Variants in DUSP10 observed in about 807,000 individuals in gnomAD.
DUSP10 encodes dual specificity protein phosphatase 10.
Under a neutral mutation model 30.8 loss-of-function variants are expected in DUSP10, and 14 were observed. That is an observed-to-expected ratio of 0.46 (90% CI 0.30 to 0.71). The LOEUF is 0.71. DUSP10 is among the 30% of genes least tolerant of loss of function. DUSP10 has a pLI of 0.08. For synonymous variants in DUSP10, 254 were observed against 250.4 expected, an observed-to-expected ratio of 1.01 and a Z score of -0.14; for missense variants, 550 against 619.4, an observed-to-expected ratio of 0.89 and a Z score of 1.19.
Position 221,702,664 on chromosome 1 carries a change from C to T in DUSP10, c.1197G>A (p.Gln399=), listed in dbSNP as rs755716561. 1.2e-6 allele frequency: 2 copies of T among 1,614,004 alleles called. No individual in the cohort carries two copies. The highest frequency in any genetic ancestry group is 1.7e-5 in the Admixed American group (1 of 60,030). ...AGTGGATGAGAAGCCCCTTCCCACA[C>T]TGGTGAGCTTCCTCTGAAAAAAGGG... The part of the protein sequence containing the change: ...EAFEFIEEAH[Q]CGKGLLIHCQ... Residue 399 remains glutamine (Q), a synonymous_variant, in exon 4 of 4, where the codon CAG becomes CAA. Coordinates refer to ENST00000366899, the MANE Select transcript of DUSP10 (RefSeq NM_007207.6). This position sits in a 1 kb window ranked among gnomAD's most constrained non-coding sequence, Gnocchi z 4.5.
In DUSP10 at chr1:221,701,645, T is replaced by G. The variant is rs1463408667; in HGVS notation, c.*767A>C. The G allele has an allele frequency of 6.6e-6, 1 of 152,216 alleles. No individual in the cohort carries two copies. Among genetic ancestry groups the G allele is most frequent in the Non-Finnish European group, 1.5e-5 (1 of 67,962 alleles). The allele number at this position is 152,216 out of a possible 1,614,324, so 9.4% of individuals were successfully genotyped here. A position where few individuals can be genotyped will look rare whatever the true frequency, so the allele number is the denominator to read the frequency against. The stretch of plus-strand genomic sequence containing the variant: ...GAAAGTATTTGATATATTGTTGAAT[T>G]CCTTTCTATCTCCAAGCTGGCAAAT... On this transcript the variant is annotated 3_prime_UTR_variant, in exon 4 of 4. Transcript: ENST00000366899.
intron 2 of DUSP10, among the ~76,000 whole-genome samples, chr1:221,708,246 A>T (rs1414887693): frequency 1.3e-5 from 2 of 152,234 alleles, no homozygotes; most frequent in Non-Finnish European, 2.9e-5. Context: ...GTTATGTTGC[A>T]ATAAGGACAG....
intron 2 of DUSP10, among the ~76,000 whole-genome samples, chr1:221,732,952 T>C (rs1456589727): frequency 1.3e-5 from 2 of 152,190 alleles, no homozygotes; most frequent in Non-Finnish European, 2.9e-5. Flanking sequence ...GATTCTTTAG[T>C]TCCAAAAAGG....
intron 2 of DUSP10, among the ~76,000 whole-genome samples, chr1:221,721,681 C>G (rs762875039): frequency 1.3e-5 from 2 of 152,100 alleles, no homozygotes; most frequent in Admixed American, 6.6e-5. Context: ...CCTCTCTCCT[C>G]GCCCCTACTT....
At chr1:221,724,062 C>T (rs1661351920) in intron 2 of DUSP10, among the ~76,000 whole-genome samples, 1 of 152,206 alleles carries the variant, frequency 6.6e-6, no homozygotes, top group South Asian at 2.1e-4. Flanking sequence ...ACTCCTAACA[C>T]TCGGGGAGTT....
At position 221,702,511 on chromosome 1, in the gene DUSP10, G is replaced by A. The variant is rs376859207; in HGVS notation, c.1350C>T (p.Asn450=). 19 of 1,614,030 alleles carry A rather than the reference G, an allele frequency of 1.2e-5. No homozygotes were observed. The African/African-American group carries it at 1.7e-4, about 15-fold the overall frequency. Residue 450 remains asparagine, a synonymous_variant, in exon 4 of 4, where the codon AAC becomes AAT. Transcript: ENST00000366899. The surrounding 1 kb of genome is among the most constrained non-coding windows in gnomAD (Gnocchi z 4.5). ...GKRPIISPNL[N]FMGQLLEFEE... ...CGAACTCTAGCAACTGCCCCATGAA[G>A]TTAAGGTTTGGGGAGATAATTGGTC...
At chr1:221,732,283 T>C (rs897747453) in intron 2 of DUSP10, among the ~76,000 whole-genome samples, 4 of 152,238 alleles carry the variant, frequency 2.6e-5, no homozygotes, top group Non-Finnish European at 4.4e-5. Flanking sequence ...TTGGGCTTCT[T>C]TGATACCTGT....
At chr1:221,719,920 A>G (rs2102632305) in intron 2 of DUSP10, among the ~76,000 whole-genome samples, 1 of 152,292 alleles carries the variant, frequency 6.6e-6, no homozygotes, top group Non-Finnish European at 1.5e-5. Context: ...TTGATAAACC[A>G]TATATATGAT....
At chr1:221,709,002 T>TA (rs58346899) in intron 2 of DUSP10, among the ~76,000 whole-genome samples, 81,868 of 139,814 alleles carry the variant, frequency 0.59, 23,732 homozygotes, top group South Asian at 0.67. Flanking sequence ...GCAGCTAGTT[T>TA]AAAAAAAAAA....
At chr1:221,708,868 T>A (rs1660847851) in intron 2 of DUSP10, among the ~76,000 whole-genome samples, 1 of 152,130 alleles carries the variant, frequency 6.6e-6, no homozygotes, top group Non-Finnish European at 1.5e-5. Flanking sequence ...AAGGCAGTTG[T>A]TACATTTTTC....
chr1:221,711,106 A>C (rs1660922033), intron 2 of DUSP10, among the ~76,000 whole-genome samples: 1 of 152,220 alleles, frequency 6.6e-6, no homozygotes, highest in African/African-American at 2.4e-5. Flanking sequence ...GTTTCTTCTA[A>C]CACACGGTCA....
intron 2 of DUSP10, among the ~76,000 whole-genome samples, chr1:221,738,119 G>T (rs1050315339): frequency 6.6e-6 from 1 of 152,178 alleles, no homozygotes; most frequent in Non-Finnish European, 1.5e-5. Context: ...TAGGCAACAC[G>T]GTATGGAAGG....
rs1660788420 is a variant in DUSP10 at position 221,706,944 on chromosome 1, G to T, written c.812-478C>A. Among the ~76,000 whole-genome samples, 2 of 152,194 alleles carry T rather than the reference G, an allele frequency of 1.3e-5. No individual in the cohort carries two copies. The highest frequency in any genetic ancestry group is 4.8e-5 in the African/African-American group (2 of 41,452). On this transcript the variant is annotated intron_variant, in intron 2 of 3. Transcript: ENST00000366899. This position sits in a 1 kb window ranked among gnomAD's most constrained non-coding sequence, Gnocchi z 4.6. ...TCACCTCACCCAGAGGGACAAGTTT[G>T]CTCCCAATACAGCAGAGTGGTTACA...
chr1:221,713,122 T>C (rs1660989726), intron 2 of DUSP10, among the ~76,000 whole-genome samples: 1 of 152,176 alleles, frequency 6.6e-6, no homozygotes, highest in Non-Finnish European at 1.5e-5. Context: ...CTTTTGATGC[T>C]GGTACAGTTG....
intron 2 of DUSP10, chr1:221,736,978 A>G: frequency 1.0e-6 from 1 of 985,506 alleles, no homozygotes; most frequent in Non-Finnish European, 1.2e-6. Flanking sequence ...CATTGAGGCA[A>G]TCTTACTCTG....
intron 2 of DUSP10, among the ~76,000 whole-genome samples, chr1:221,711,981 T>G (rs1660949377): frequency 6.6e-6 from 1 of 152,164 alleles, no homozygotes; most frequent in African/African-American, 2.4e-5. Flanking sequence ...TCAGAGTCAC[T>G]TCATAAGTTT....
At chr1:221,712,374 A>C (rs1660963934) in intron 2 of DUSP10, among the ~76,000 whole-genome samples, 2 of 152,192 alleles carry the variant, frequency 1.3e-5, no homozygotes, top group Non-Finnish European at 2.9e-5. Flanking sequence ...TATTTATCTT[A>C]CTCAGGGGAA....
Position 221,706,375 on chromosome 1 carries a change from G to A in DUSP10, c.903C>T (p.Ser301=), listed in dbSNP as rs756540076. The A allele has an allele frequency of 9.4e-6, 15 of 1,591,454 alleles. No homozygotes were observed. In the Admixed American group the frequency reaches 1.2e-4, roughly 13 times the overall value. Residue 301 remains serine, a synonymous_variant, in exon 3 of 4, where the codon TCC becomes TCT. Transcript: ENST00000366899. This position sits in a 1 kb window ranked among gnomAD's most constrained non-coding sequence, Gnocchi z 4.6. The part of the protein sequence containing the change: ...QECREVGGGA[S]AASSLLPQPI... ...GCTGAGGTAGCAAGCTCGAGGCCGC[G>A]GATGCGCCGCCCCCCACCTCCCGGC...
In DUSP10 at chr1:221,702,856, A is replaced by G. The variant is rs934934888; in HGVS notation, c.1184-179T>C. 6.6e-6 allele frequency among the ~76,000 whole-genome samples: 1 copy of G among 152,248 alleles called. No individual in the cohort carries two copies. The highest frequency in any genetic ancestry group is 1.5e-5 in the Non-Finnish European group (1 of 68,050). The stretch of plus-strand genomic sequence containing the variant: ...CGTATACTTATGTCACAACTTCCAG[A>G]ACTGGCTAAAGTTGATATCAGCACG... On this transcript the variant is annotated intron_variant, in intron 3 of 3. Transcript: ENST00000366899. This position sits in a 1 kb window ranked among gnomAD's most constrained non-coding sequence, Gnocchi z 4.5.
Sources: allele counts gnomAD v4.1 joint callset (sites outside exome capture counted in the v4.1 genomes callset), GRCh38; gene constraint gnomAD v4.1.1; non-coding constraint Gnocchi (gnomAD v3.1); transcripts MANE v1.5; gene names NCBI Gene and HGNC (gene_info 2026-07-23, HGNC 2026-07-21).